The following PNO1 variants were observed in gnomAD, a reference collection of about 807,000 sequenced individuals.
The protein encoded by PNO1 is RNA-binding protein PNO1.
PNO1 carries 16 observed loss-of-function variants against 28.4 expected under a neutral mutation model. That is an observed-to-expected ratio of 0.56 (90% confidence interval 0.38 to 0.85). The LOEUF (loss-of-function observed/expected upper bound fraction) is 0.85. Ranked by LOEUF, PNO1 falls within the 40% of genes least tolerant of loss-of-function variation. PNO1 has a pLI of 0.00. For missense variants in PNO1, 304 were observed against 312.2 expected, an observed-to-expected ratio of 0.97 and a Z score of 0.20; for synonymous variants, 115 against 110.8, an observed-to-expected ratio of 1.04 and a Z score of -0.24.
At chr2:68,164,129 C>T (rs1254005265) in intron 5 of PNO1, among the ~76,000 whole-genome samples, 1 of 152,116 alleles carries the variant, frequency 6.6e-6, no homozygotes, top group African/African-American at 2.4e-5. Context: ...TGGATTGAGC[C>T]TAGAGTCAGA....
chr2:68,162,664 G>A lies in PNO1; in HGVS notation c.620+1G>A. 2 of 1,528,774 alleles carry A rather than the reference G, an allele frequency of 1.3e-6. No homozygotes were observed. Among genetic ancestry groups the A allele is most frequent in the Non-Finnish European group, 1.8e-6 (2 of 1,102,534 alleles). 94.7% of individuals were successfully genotyped at this position (1,528,774 alleles called of 1,614,324 possible). A position where few individuals can be genotyped will look rare whatever the true frequency, so the allele number is the denominator to read the frequency against. ...GGACAAGGATAGTTTTGGCTGATGT[G>A]TAAGTATCTGATCTTGAGAAAATTA... On this transcript the variant is annotated splice_donor_variant, in intron 5 of 6. Coordinates refer to ENST00000263657, the MANE Select transcript of PNO1 (RefSeq NM_020143.4). LOFTEE classifies it high-confidence loss of function.
chr2:68,173,255 G>T, intron 5 of PNO1, 92 bp from the exon 6 acceptor site: 2 of 782,682 alleles, frequency 2.6e-6, no homozygotes, highest in South Asian at 1.4e-5. Flanking sequence ...GGCCACAAAT[G>T]ATCTACCTGC....
chr2:68,168,018 A>G (rs1237036793), intron 5 of PNO1, among the ~76,000 whole-genome samples: 1 of 152,242 alleles, frequency 6.6e-6, no homozygotes, highest in Non-Finnish European at 1.5e-5. Flanking sequence ...TTTGGAGAGG[A>G]AACTTTATTT....
At position 68,162,141 on chromosome 2, in the gene PNO1, A is replaced by G. The variant is rs1558618492; in HGVS notation, c.442-124A>G. ...GCGACAGCGTAAGACTCTGTCTCCA[A>G]GGGAAAAAAAAAAGCTTTCTAGCTC... On this transcript the variant is annotated intron_variant, in intron 3 of 6. Transcript: ENST00000263657. The G allele has an allele frequency of 1.1e-5, 7 of 625,112 alleles. No homozygotes were observed. The African/African-American group carries it at 2.5e-4, about 22-fold the overall frequency. The allele number at this position is 625,112 out of a possible 1,614,324, so 38.7% of individuals were successfully genotyped here.
intron 5 of PNO1, among the ~76,000 whole-genome samples, chr2:68,164,669 C>A (rs763370942): frequency 2.0e-5 from 3 of 152,036 alleles, no homozygotes; most frequent in Non-Finnish European, 2.9e-5. Flanking sequence ...TGATTGTGCA[C>A]ACCTGTAGCC....
chr2:68,158,297 G>A (rs1458624993), intron 1 of PNO1, 83 bp from the exon 2 acceptor site: 4 of 1,415,848 alleles, frequency 2.8e-6, no homozygotes, highest in East Asian at 4.6e-5. Flanking sequence ...AGTTAAAGGA[G>A]GCCCTTTGTG....
At position 68,167,638 on chromosome 2, in the gene PNO1, A is replaced by G. The variant is rs1008256338; in HGVS notation, c.620+4975A>G. The stretch of plus-strand genomic sequence containing the variant: ...ATTGCCCTTTGTGACATTTTTTTCC[A>G]GAACAGGACGTTTTTCATCTGCACA... On this transcript the variant is annotated intron_variant, in intron 5 of 6. Coordinates refer to ENST00000263657, the MANE Select transcript of PNO1 (RefSeq NM_020143.4). Among the ~76,000 whole-genome samples, 43 of 152,114 alleles carry G rather than the reference A, an allele frequency of 2.8e-4. 1 individual carries two copies. The highest frequency in any genetic ancestry group is 1.0e-3 in the African/African-American group (43 of 41,426).
chr2:68,160,072 C>T (rs1164554197), intron 2 of PNO1, among the ~76,000 whole-genome samples: 1 of 151,016 alleles, frequency 6.6e-6, no homozygotes, highest in Non-Finnish European at 1.5e-5. Flanking sequence ...GGATTCATGC[C>T]ATTCTCCTGC....
intron 6 of PNO1, among the ~76,000 whole-genome samples, 159 bp downstream of exon 6, chr2:68,173,576 A>ATTTTTTTTTT (rs34874863): frequency 9.0e-6 from 1 of 111,402 alleles, no homozygotes; most frequent in Non-Finnish European, 1.7e-5. Flanking sequence ...AGGAAGTAGA[A>ATTTTTTTTTT]TTTTTTTTTT....
At chr2:68,173,199 T>G (rs1417111236) in intron 5 of PNO1, 148 bp from the exon 6 acceptor site, 3 of 551,786 alleles carry the variant, frequency 5.4e-6, no homozygotes, top group Non-Finnish European at 9.7e-6. Context: ...AATTTTTTTG[T>G]AGAGATGGCG....
chr2:68,160,973 GTGT>G (rs1572936464), intron 2 of PNO1, among the ~76,000 whole-genome samples: 1 of 152,224 alleles, frequency 6.6e-6, no homozygotes, highest in African/African-American at 2.4e-5. Flanking sequence ...AATCAGACCT[GTGT>G]TTAAATCTTA....
chr2:68,160,101 T>C (rs1183562275), intron 2 of PNO1, among the ~76,000 whole-genome samples: 4 of 151,512 alleles, frequency 2.6e-5, no homozygotes, highest in Admixed American at 2.6e-4. Context: ...CCTGAGTAGC[T>C]GGGACTACAG....
At chr2:68,158,876 A>G (rs1393633440) in intron 2 of PNO1, among the ~76,000 whole-genome samples, 1 of 152,238 alleles carries the variant, frequency 6.6e-6, no homozygotes, top group Non-Finnish European at 1.5e-5. Context: ...CTTTACAAGA[A>G]GTATATACAG....
intron 2 of PNO1, among the ~76,000 whole-genome samples, chr2:68,159,624 T>C (rs1484269466): frequency 1.3e-5 from 2 of 152,216 alleles, no homozygotes. Flanking sequence ...ATTAATTATA[T>C]TTTCCTTTTT....
chr2:68,159,863 C>T (rs1034827056), intron 2 of PNO1, among the ~76,000 whole-genome samples: 2 of 151,826 alleles, frequency 1.3e-5, no homozygotes, highest in Non-Finnish European at 2.9e-5. Context: ...CATTGTTTGA[C>T]GTCTCTCCTT....
chr2:68,161,855 C>A, intron 3 of PNO1, 89 bp downstream of exon 3: 1 of 839,334 alleles, frequency 1.2e-6, no homozygotes. Context: ...AAAAAAAAGG[C>A]CAGGCACAGT....
At chr2:68,167,852 T>C (rs10182832) in intron 5 of PNO1, among the ~76,000 whole-genome samples, 113,553 of 152,158 alleles carry the variant, frequency 0.75, 43,435 homozygotes, top group African/African-American at 0.93. Flanking sequence ...AGATCCTTCA[T>C]TTTCCTTTTG....
intron 5 of PNO1, among the ~76,000 whole-genome samples, chr2:68,170,676 A>G (rs1260093517): frequency 1.6e-4 from 22 of 134,374 alleles, no homozygotes; most frequent in African/African-American, 6.2e-4. Context: ...AGAATCCGAG[A>G]GGCGGAGCTT....
At chr2:68,170,566 T>C (rs959969982) in intron 5 of PNO1, among the ~76,000 whole-genome samples, 4 of 151,864 alleles carry the variant, frequency 2.6e-5, no homozygotes, top group African/African-American at 9.7e-5. Flanking sequence ...GCTAACACGG[T>C]GAAACCCCGT....
Sources: allele counts gnomAD v4.1 joint callset (sites outside exome capture counted in the v4.1 genomes callset), GRCh38; gene constraint gnomAD v4.1.1; transcripts MANE v1.5; gene names NCBI Gene and HGNC (gene_info 2026-07-23, HGNC 2026-07-21).